Variants in ERBB4 observed in about 807,000 individuals in gnomAD.
ERBB4 encodes erb-b2 receptor tyrosine kinase 4.
ERBB4 carries 42 observed loss-of-function variants against 158.0 expected under a neutral mutation model. The observed-to-expected ratio is 0.27, with a 90% CI of 0.21 to 0.34. The LOEUF is 0.34. ERBB4 is among the 10% of genes least tolerant of loss of function. The pLI, the probability that ERBB4 is intolerant of heterozygous loss-of-function variation, is 1.00. For missense variants in ERBB4, 1,333 were observed against 1,624.1 expected (o/e 0.82, Z 3.08); for synonymous variants, 583 against 558.7 (o/e 1.04, Z -0.61).
chr2:211,937,917 T>C (rs566290758), intron 3 of ERBB4, among the ~76,000 whole-genome samples: 33 of 152,226 alleles, frequency 2.2e-4, no homozygotes, highest in South Asian at 1.0e-3. Context: ...AAGGTGAAAG[T>C]AAAAAATTTC....
intron 1 of ERBB4, among the ~76,000 whole-genome samples, chr2:212,462,303 C>T (rs1269794542): frequency 6.6e-6 from 1 of 152,068 alleles, no homozygotes; most frequent in Non-Finnish European, 1.5e-5. Context: ...AAAGAAACAA[C>T]AAATTGAAGA....
At chr2:211,997,276 T>C (rs2082222344) in intron 2 of ERBB4, among the ~76,000 whole-genome samples, 1 of 152,162 alleles carries the variant, frequency 6.6e-6, no homozygotes. Context: ...TCATTCCATT[T>C]TATAAAAATT....
At chr2:212,264,784 T>C (rs2085070387) in intron 1 of ERBB4, among the ~76,000 whole-genome samples, 1 of 152,152 alleles carries the variant, frequency 6.6e-6, no homozygotes, top group Admixed American at 6.6e-5. Flanking sequence ...TTTAAATCTT[T>C]AGTCTACTAA....
At chr2:212,533,586 A>T (rs761759232) in intron 1 of ERBB4, among the ~76,000 whole-genome samples, 1 of 152,222 alleles carries the variant, frequency 6.6e-6, no homozygotes, top group Non-Finnish European at 1.5e-5. Flanking sequence ...ATTGACCTAC[A>T]ATTTTTTCAT....
At chr2:212,314,824 T>C (rs1396261003) in intron 1 of ERBB4, among the ~76,000 whole-genome samples, 1 of 151,280 alleles carries the variant, frequency 6.6e-6, no homozygotes, top group Non-Finnish European at 1.5e-5. Flanking sequence ...CAAGTCATGA[T>C]AAATCATCAT....
intron 2 of ERBB4, among the ~76,000 whole-genome samples, chr2:212,095,064 C>A (rs1396574302): frequency 6.6e-6 from 1 of 151,848 alleles, no homozygotes. Context: ...AGAGGGACTA[C>A]CTTTGTCCTG....
intron 20 of ERBB4, among the ~76,000 whole-genome samples, chr2:211,557,119 A>T (rs1468419862): frequency 1.3e-5 from 2 of 152,200 alleles, no homozygotes; most frequent in Admixed American, 1.3e-4. Context: ...TCAACTCCAG[A>T]TAACTTAAAG....
At chr2:211,966,723 G>A (rs1056949470) in intron 2 of ERBB4, among the ~76,000 whole-genome samples, 3 of 151,822 alleles carry the variant, frequency 2.0e-5, no homozygotes, top group Non-Finnish European at 2.9e-5. Context: ...ATGCTACTTG[G>A]AAAACCAATA....
chr2:211,990,663 T>C (rs532004185), intron 2 of ERBB4, among the ~76,000 whole-genome samples: 6 of 151,978 alleles, frequency 3.9e-5, no homozygotes, highest in African/African-American at 4.8e-5. Flanking sequence ...CAAATAAATT[T>C]AGAACAAGCC....
chr2:211,719,343 T>C (rs1278237629), intron 7 of ERBB4, among the ~76,000 whole-genome samples: 2 of 152,160 alleles, frequency 1.3e-5, no homozygotes, highest in Non-Finnish European at 2.9e-5. Flanking sequence ...CTCTGAAGGA[T>C]TATTTTTTTC....
At chr2:211,449,503 C>T (rs1456869071) in intron 20 of ERBB4, among the ~76,000 whole-genome samples, 1 of 152,104 alleles carries the variant, frequency 6.6e-6, no homozygotes, top group African/African-American at 2.4e-5. Flanking sequence ...AGGATAGTAG[C>T]TTATATTCAC....
chr2:212,005,622 G>T (rs1404359941), intron 2 of ERBB4, among the ~76,000 whole-genome samples: 2 of 152,030 alleles, frequency 1.3e-5, no homozygotes, highest in East Asian at 3.9e-4. Context: ...ATAAGCTTCA[G>T]GTAAAATATA....
intron 2 of ERBB4, among the ~76,000 whole-genome samples, chr2:212,042,891 T>G (rs1168491968): frequency 6.6e-6 from 1 of 152,156 alleles, no homozygotes; most frequent in Non-Finnish European, 1.5e-5. Context: ...GATAATTACT[T>G]TGGAGAAACA....
intron 4 of ERBB4, chr2:211,778,830 C>A (rs1233479780): frequency 6.6e-6 from 1 of 152,228 alleles, no homozygotes; most frequent in East Asian, 1.9e-4. Flanking sequence ...GATCAGTCCT[C>A]ATTACGGCAG....
intron 1 of ERBB4, among the ~76,000 whole-genome samples, chr2:212,367,724 T>A (rs563516911): frequency 6.6e-6 from 1 of 151,924 alleles, no homozygotes; most frequent in East Asian, 1.9e-4. Flanking sequence ...CTACAACGAA[T>A]TCAAATCAGT....
chr2:211,911,168 T>A (rs1163676363), intron 3 of ERBB4, among the ~76,000 whole-genome samples: 1 of 152,220 alleles, frequency 6.6e-6, no homozygotes, highest in African/African-American at 2.4e-5. Flanking sequence ...GGGTAGTAAG[T>A]CAAAAATAAG....
intron 23 of ERBB4, among the ~76,000 whole-genome samples, chr2:211,422,488 C>CA (rs57602784): frequency 0.029 from 3,007 of 102,366 alleles, 53 homozygotes; most frequent in East Asian, 0.045. Context: ...TCCTGGTGGA[C>CA]AAAAAAAAAA....
At chr2:212,055,102 T>C (rs2077514817) in intron 2 of ERBB4, among the ~76,000 whole-genome samples, 1 of 152,148 alleles carries the variant, frequency 6.6e-6, no homozygotes, top group African/African-American at 2.4e-5. Context: ...ACTCCCACCC[T>C]AATACTGTGC....
intron 25 of ERBB4, among the ~76,000 whole-genome samples, chr2:211,419,495 G>T (rs2063468302): frequency 7.0e-6 from 1 of 142,830 alleles, no homozygotes; most frequent in Admixed American, 6.7e-5. Context: ...TAGATTAAGA[G>T]AAAAGAATTA....
Sources: allele counts gnomAD v4.1 joint callset (sites outside exome capture counted in the v4.1 genomes callset), GRCh38; gene constraint gnomAD v4.1.1; transcripts MANE v1.5; gene names NCBI Gene and HGNC (gene_info 2026-07-23, HGNC 2026-07-21).